The following TARBP1 variants were observed in gnomAD, a reference collection of about 807,000 sequenced individuals.
TARBP1 encodes the protein tRNA (guanosine(18)-2'-O)-methyltransferase TARBP1.
A neutral mutation model predicts 178.6 loss-of-function variants in TARBP1; 144 were observed. The ratio of observed to expected loss-of-function variants is 0.81; its 90% CI spans 0.70 to 0.93. TARBP1 has a LOEUF of 0.93. Among genes scored for constraint, TARBP1 ranks in the 40% least tolerant of loss-of-function variants. The pLI, the probability that TARBP1 is intolerant of heterozygous loss-of-function variation, is 0.00. For missense variants in TARBP1, 2,067 were observed against 2,011.7 expected (o/e 1.03, Z -0.53); for synonymous variants, 787 against 781.0 (o/e 1.01, Z -0.13).
intron 7 of TARBP1, among the ~76,000 whole-genome samples, chr1:234,459,532 C>T (rs1452962012): frequency 1.3e-5 from 2 of 152,094 alleles, no homozygotes; most frequent in African/African-American, 4.8e-5. Flanking sequence ...AGACTATAGG[C>T]CGGGCGCAGT....
chr1:234,473,099 G>C (rs926339478), intron 1 of TARBP1, among the ~76,000 whole-genome samples: 1 of 151,994 alleles, frequency 6.6e-6, no homozygotes, highest in Non-Finnish European at 1.5e-5. Flanking sequence ...TTTTTCAAGG[G>C]CAAAACCCCA....
At chr1:234,424,080 C>T (rs1368807294) in intron 20 of TARBP1, among the ~76,000 whole-genome samples, 1 of 152,146 alleles carries the variant, frequency 6.6e-6, no homozygotes, top group Non-Finnish European at 1.5e-5. Flanking sequence ...AAAAATATTT[C>T]CAAGGTTTTA....
chr1:234,475,960 A>C (rs1488280525), intron 1 of TARBP1, among the ~76,000 whole-genome samples: 4 of 152,166 alleles, frequency 2.6e-5, no homozygotes, highest in African/African-American at 9.7e-5. Context: ...TCAATGCCAC[A>C]AAGTAACGGT....
intron 21 of TARBP1, among the ~76,000 whole-genome samples, chr1:234,420,076 T>C (rs910723262): frequency 3.9e-5 from 6 of 152,372 alleles, no homozygotes; most frequent in African/African-American, 1.4e-4. Context: ...CACTTTCTCA[T>C]AATGATGATC....
At chr1:234,451,613 G>A (rs1211098021) in intron 9 of TARBP1, among the ~76,000 whole-genome samples, 1 of 78,646 alleles carries the variant, frequency 1.3e-5, no homozygotes, top group Non-Finnish European at 2.2e-5. Flanking sequence ...GCCGGGCGTA[G>A]TGGCGGGCGC....
rs748699185 is a variant in TARBP1 at position 234,393,419 on chromosome 1, G to A, written c.4503C>T (p.Ser1501=). The change falls in exon 28 of 30, where the codon AGC becomes AGT. Residue 1501 remains serine, a synonymous_variant. Coordinates refer to ENST00000040877, the MANE Select transcript of TARBP1 (RefSeq NM_005646.4). ...VLVVGSLQCI[S]DKQFQHLSVS... ...CACTGAGGTGCTGAAACTGTTTGTC[G>A]CTGATACACTGAAGGCTGCCAACAA... 6.3e-5 allele frequency: 102 copies of A among 1,609,340 alleles called. No homozygotes were observed. The highest frequency in any genetic ancestry group is 1.8e-4 in the East Asian group (8 of 44,880).
chr1:234,472,685 A>T (rs1669187725), intron 2 of TARBP1, 29 bp downstream of exon 2: 2 of 1,464,374 alleles, frequency 1.4e-6, no homozygotes, highest in Non-Finnish European at 9.3e-7. Flanking sequence ...TATCTACTGT[A>T]GGATTTGCTA....
Position 234,479,113 on chromosome 1 carries a change from G to T in TARBP1, c.-10C>A, listed in dbSNP as rs1410875758. The stretch of plus-strand genomic sequence containing the variant: ...CGAGCACCCACTCCATTTGCCGAGC[G>T]CCCGCGCCACCGGCCCGGGCTCCCA... On this transcript the variant is annotated 5_prime_UTR_variant, in exon 1 of 30. Coordinates refer to ENST00000040877, the MANE Select transcript of TARBP1 (RefSeq NM_005646.4). The T allele has an allele frequency of 6.6e-7, 1 of 1,525,014 alleles. No individual in the cohort carries two copies. The highest frequency in any genetic ancestry group is 2.1e-5 in the Admixed American group (1 of 47,632). 94.5% of individuals were successfully genotyped at this position (1,525,014 alleles called of 1,614,324 possible). A position where few individuals can be genotyped will look rare whatever the true frequency, so the allele number is the denominator to read the frequency against.
chr1:234,450,653 C>A (rs557669223), intron 9 of TARBP1, 87 bp from the exon 10 acceptor site: 1 of 1,377,864 alleles, frequency 7.3e-7, no homozygotes, highest in South Asian at 1.4e-5. Context: ...TTCTTTCTTT[C>A]ACGATAAACC....
At chr1:234,455,599 T>G (rs554318772) in intron 9 of TARBP1, among the ~76,000 whole-genome samples, 1 of 152,294 alleles carries the variant, frequency 6.6e-6, no homozygotes, top group East Asian at 1.9e-4. Context: ...AAGCAGAGTC[T>G]ATATCAAAAA....
chr1:234,394,658 G>T (rs913874051), intron 26 of TARBP1, among the ~76,000 whole-genome samples: 2 of 152,274 alleles, frequency 1.3e-5, no homozygotes, highest in Admixed American at 1.3e-4. Flanking sequence ...AAAGCAGACA[G>T]TAGATACAGC....
chr1:234,449,201 G>A (rs1182850469), intron 10 of TARBP1, among the ~76,000 whole-genome samples: 1 of 152,206 alleles, frequency 6.6e-6, no homozygotes, highest in Non-Finnish European at 1.5e-5. Context: ...GGAGAGACCA[G>A]GAAACCTTGC....
chr1:234,420,890 G>C (rs1663008260), intron 20 of TARBP1, 78 bp from the exon 21 acceptor site: 1 of 876,370 alleles, frequency 1.1e-6, no homozygotes, highest in Non-Finnish European at 1.8e-6. Flanking sequence ...ATGACAACTT[G>C]AAATGTAAGT....
At position 234,393,834 on chromosome 1, in the gene TARBP1, G is replaced by C; in HGVS notation, c.4247C>G (p.Thr1416Ser). 1.3e-6 allele frequency: 2 copies of C among 1,599,094 alleles called. No homozygotes were observed. The highest frequency in any genetic ancestry group is 1.7e-6 in the Non-Finnish European group (2 of 1,170,422). Residue 1416 changes from threonine (T) to serine (S), a missense_variant, in exon 27 of 30, where the codon ACT (threonine) becomes AGT (serine). Physicochemically the swap from Thr to Ser is moderately conservative, Grantham distance 58 (BLOSUM62 1). Transcript: ENST00000040877. ...PGDWSQQDIGTNLVEADNQAE... is the reference protein window; with the variant it reads ...PGDWSQQDIGSNLVEADNQAE... ...TTGGTTATCTGCTTCGACCAAATTA[G>C]TACCTGGGAAGGAAAAAGAAAACAA...
intron 12 of TARBP1, among the ~76,000 whole-genome samples, chr1:234,446,395 G>T (rs1478511022): frequency 1.3e-5 from 2 of 152,278 alleles, no homozygotes; most frequent in East Asian, 3.9e-4. Flanking sequence ...CCATTCTCAT[G>T]CTTTAGCAGA....
intron 10 of TARBP1, among the ~76,000 whole-genome samples, chr1:234,449,842 T>C (rs1220281340): frequency 6.6e-5 from 10 of 152,160 alleles, no homozygotes; most frequent in African/African-American, 2.4e-4. Context: ...GCATTAGGAA[T>C]GTAAAAAGAA....
intron 12 of TARBP1, among the ~76,000 whole-genome samples, chr1:234,440,699 C>T (rs1572331549): frequency 6.6e-6 from 1 of 152,162 alleles, no homozygotes; most frequent in African/African-American, 2.4e-5. Context: ...TTACAGGATA[C>T]AAGGTCAGCA....
chr1:234,452,617 G>A (rs965688324), intron 9 of TARBP1, among the ~76,000 whole-genome samples: 3 of 152,154 alleles, frequency 2.0e-5, no homozygotes, highest in Non-Finnish European at 4.4e-5. Context: ...TTTGCTGGTA[G>A]GAATGCAAAA....
At position 234,404,528 on chromosome 1, in the gene TARBP1, G is replaced by A. The variant is rs369547921; in HGVS notation, c.3989+1375C>T. Among the ~76,000 whole-genome samples, 9 of 152,246 alleles carry A rather than the reference G, an allele frequency of 5.9e-5. No homozygotes were observed. In the East Asian group the frequency reaches 1.5e-3, roughly 26 times the overall value. ...AATAGGAAATACACCATACACCAAG[G>A]AGAAATAAGACATTTAAGGTCCCTT... On this transcript the variant is annotated intron_variant, in intron 24 of 29. Transcript: ENST00000040877.
Sources: gnomAD v4.1 joint callset for allele counts (sites outside exome capture counted in the v4.1 genomes callset) on GRCh38, gnomAD v4.1.1 for gene constraint, MANE v1.5 for transcripts, NCBI Gene and HGNC (gene_info 2026-07-23, HGNC 2026-07-21) for gene names.